The following DOP1B variants were observed in gnomAD, a reference collection of about 807,000 sequenced individuals.
DOP1B encodes DOP1 leucine zipper like protein B, also known as protein DOP1B.
Under a neutral mutation model 233.5 loss-of-function variants are expected in DOP1B, and 174 were observed. That is an observed-to-expected ratio of 0.75 (90% CI 0.66 to 0.85). The LOEUF (loss-of-function observed/expected upper bound fraction) is 0.85, where lower values mean the gene tolerates loss of function less well. Among genes scored for constraint, DOP1B ranks in the 40% least tolerant of loss-of-function variants. The pLI, the probability that DOP1B is intolerant of heterozygous loss-of-function variation, is 0.00. For synonymous variants in DOP1B, 1,190 were observed against 1,185.6 expected (o/e 1.00, Z -0.08); for missense variants, 2,652 against 2,846.6 (o/e 0.93, Z 1.56).
rs2066945627 is a variant in DOP1B, at chr21:36,245,362, T to C, written c.3382T>C (p.Phe1128Leu). 6.2e-7 allele frequency: 1 copy of C among 1,613,882 alleles called. No homozygotes were observed. The highest frequency in any genetic ancestry group is 1.1e-5 in the South Asian group (1 of 91,066). The change falls in exon 19 of 37, where the codon TTC becomes CTC. Residue 1128 changes from phenylalanine to leucine, a missense_variant. By Grantham distance (22) the Phe-to-Leu change is conservative (BLOSUM62 0). Around this residue, in one of 3 missense-constraint regions of DOP1B, gnomAD observed 2,617 missense variants for 2,794.3 expected, o/e 0.94. Coordinates refer to ENST00000691173, the MANE Select transcript of DOP1B (RefSeq NM_001320714.2). This position sits in a 1 kb window ranked among gnomAD's most constrained non-coding sequence, Gnocchi z 5.5. ...CACGGACAGCGAGAACACGTCCTCCTTCTCCTCCCCTTCCCACGACCTGCA... is the reference window on the plus strand; with the variant it reads ...CACGGACAGCGAGAACACGTCCTCCCTCTCCTCCCCTTCCCACGACCTGCA... ...CHTDSENTSS[F>L]SSPSHDLQEL...
intron 18 of DOP1B, among the ~76,000 whole-genome samples, chr21:36,240,799 A>G (rs1358210051): frequency 6.6e-6 from 1 of 152,240 alleles, no homozygotes; most frequent in Non-Finnish European, 1.5e-5. Context: ...GCTGTATTTA[A>G]TGACTTCACA....
chr21:36,279,804 G>C (rs532642965), intron 30 of DOP1B, among the ~76,000 whole-genome samples: 2 of 149,246 alleles, frequency 1.3e-5, no homozygotes, highest in Admixed American at 1.3e-4. Context: ...TAAATGAAAA[G>C]CTTTTTCGTA....
chr21:36,239,632 G>A (rs2066869084), intron 17 of DOP1B, 133 bp from the exon 18 acceptor site: 4 of 979,804 alleles, frequency 4.1e-6, no homozygotes, highest in Non-Finnish European at 5.8e-6. Context: ...CATCTACTTG[G>A]GTCTGGAAGT....
intron 2 of DOP1B, among the ~76,000 whole-genome samples, chr21:36,178,471 TC>T (rs2066056771): frequency 6.6e-6 from 1 of 151,336 alleles, no homozygotes; most frequent in African/African-American, 2.4e-5. Context: ...GAGACAGACT[TC>T]CTCCCACCTC....
rs560803925 is a variant in DOP1B at position 36,242,509 on chromosome 21, C to T, written c.3068-2539C>T. Among the ~76,000 whole-genome samples, 33 of 152,072 alleles carry T rather than the reference C, an allele frequency of 2.2e-4. No individual in the cohort carries two copies. In the South Asian group the frequency reaches 3.7e-3, roughly 17 times the overall value. On this transcript the variant is annotated intron_variant, in intron 18 of 36. Transcript: ENST00000691173. ...GTATTTTTAGTAGAGATGGGTGTTT[C>T]GCCATGTTGGCTAGACTGGTCTTGA...
intron 32 of DOP1B, 109 bp from the exon 33 acceptor site, chr21:36,287,905 C>A: frequency 7.2e-7 from 1 of 1,379,930 alleles, no homozygotes; most frequent in Non-Finnish European, 9.8e-7. Flanking sequence ...ATTCCTTACA[C>A]TGGGTTGTTA....
chr21:36,233,194 G>T, intron 15 of DOP1B, 119 bp downstream of exon 15: 2 of 1,296,494 alleles, frequency 1.5e-6, no homozygotes, highest in Admixed American at 2.5e-5. Flanking sequence ...ATTCTATAGG[G>T]CACTGGGCAG....
At chr21:36,221,535 C>G (rs908251626) in intron 10 of DOP1B, among the ~76,000 whole-genome samples, 2 of 152,028 alleles carry the variant, frequency 1.3e-5, no homozygotes, top group Admixed American at 6.6e-5. Flanking sequence ...TGACCAATTT[C>G]TTATTGATTG....
In DOP1B at chr21:36,286,997, T is replaced by C. The variant is rs370395054; in HGVS notation, c.6161-1017T>C. On this transcript the variant is annotated intron_variant, in intron 32 of 36. Transcript: ENST00000691173. ...AAAAAATTTATTACTAATATACTAATGTACTAATGTACTACAGCCGATCTT... is the reference window on the plus strand; with the variant it reads ...AAAAAATTTATTACTAATATACTAACGTACTAATGTACTACAGCCGATCTT... Among the ~76,000 whole-genome samples, 4 of 152,090 alleles carry C rather than the reference T, an allele frequency of 2.6e-5. No homozygotes were observed. In the East Asian group the frequency reaches 5.8e-4, roughly 22 times the overall value.
chr21:36,235,538 A>G (rs1325494471), intron 15 of DOP1B, among the ~76,000 whole-genome samples: 3 of 152,076 alleles, frequency 2.0e-5, no homozygotes, highest in East Asian at 3.9e-4. Context: ...AGTCTGGCCA[A>G]CACGGCAAAA....
intron 30 of DOP1B, 140 bp downstream of exon 30, chr21:36,278,495 C>T (rs759165129): frequency 9.2e-5 from 74 of 805,742 alleles, no homozygotes; most frequent in Non-Finnish European, 1.2e-4. Context: ...GTCACAGGCT[C>T]GCATGTTGAC....
intron 6 of DOP1B, 86 bp downstream of exon 6, chr21:36,211,737 C>G: frequency 8.4e-6 from 12 of 1,427,990 alleles, no homozygotes; most frequent in Non-Finnish European, 1.2e-5. Context: ...CGTACGAGGA[C>G]AGCTCAGCCA....
chr21:36,167,390 G>T (rs2065922617), intron 2 of DOP1B, among the ~76,000 whole-genome samples: 1 of 152,114 alleles, frequency 6.6e-6, no homozygotes, highest in African/African-American at 2.4e-5. Context: ...GGCCAGGCTG[G>T]TCTCGAACTC....
In DOP1B at chr21:36,168,889, T is replaced by TG; in HGVS notation, c.138+4019dup. The TG allele has an allele frequency of 8.8e-6, 4 of 452,990 alleles. No individual in the cohort carries two copies. The South Asian group carries it at 9.3e-5, about 11-fold the overall frequency. The allele number at this position is 452,990 out of a possible 1,614,324, so 28.1% of individuals were successfully genotyped here. ...CTAGTTGTGTGAAGTGGTCTCTCCC[T>TG]GTGGGTTTTTTTTTTTAATTAATAA... On this transcript the variant is annotated intron_variant, in intron 2 of 36. Transcript: ENST00000691173.
In DOP1B at chr21:36,208,870, A is replaced by T. The variant is rs779829524; in HGVS notation, c.647A>T (p.Gln216Leu). 6.4e-7 allele frequency: 1 copy of T among 1,561,272 alleles called. No individual in the cohort carries two copies. Among genetic ancestry groups the T allele is most frequent in the Non-Finnish European group, 8.7e-7 (1 of 1,154,042 alleles). Residue 216 changes from glutamine to leucine, a missense_variant, in exon 5 of 37, where the codon CAG becomes CTG. Physicochemically the swap from Gln to Leu is moderately radical, Grantham distance 113. Coordinates refer to ENST00000691173, the MANE Select transcript of DOP1B (RefSeq NM_001320714.2). ...AACAGGGATGCCCCCGGCCGGGAGC[A>T]GAAGTACATGCTGGGGACCAATCAC... The part of the protein sequence containing the change: ...HINRDAPGRE[Q>L]KYMLGTNHQL...
chr21:36,266,974 G>C (rs1411549656), intron 26 of DOP1B, among the ~76,000 whole-genome samples: 1 of 152,106 alleles, frequency 6.6e-6, no homozygotes, highest in African/African-American at 2.4e-5. Flanking sequence ...GCCTAAGTTA[G>C]CCAATTCGCC....
rs1181767221 is a variant in DOP1B, at chr21:36,245,280, C to T, written c.3300C>T (p.Ala1100=). 1.2e-6 allele frequency: 2 copies of T among 1,614,112 alleles called. No individual in the cohort carries two copies. Among genetic ancestry groups the T allele is most frequent in the East Asian group, 4.5e-5 (2 of 44,884 alleles). Residue 1100 remains alanine, a synonymous_variant, in exon 19 of 37, where the codon GCC becomes GCT. Coordinates refer to ENST00000691173, the MANE Select transcript of DOP1B (RefSeq NM_001320714.2). The surrounding 1 kb of genome is among the most constrained non-coding windows in gnomAD (Gnocchi z 5.5). ...PYYVELPDRT[A]HGAPDSSEHT... ...ACGTGGAGCTTCCAGACAGGACGGC[C>T]CACGGCGCCCCGGACAGCAGCGAGC...
rs111922357 is a variant in DOP1B at position 36,246,903 on chromosome 21, A to G, written c.4697+226A>G. Among the ~76,000 whole-genome samples, 983 of 141,182 alleles carry G rather than the reference A, an allele frequency of 7.0e-3. 10 individuals carry two copies. The highest frequency in any genetic ancestry group is 0.026 in the African/African-American group (923 of 35,612). The allele number at this position is 141,182 out of a possible 152,430, so 92.6% of individuals were successfully genotyped here. On this transcript the variant is annotated intron_variant, in intron 19 of 36. Coordinates refer to ENST00000691173, the MANE Select transcript of DOP1B (RefSeq NM_001320714.2). The surrounding 1 kb of genome is among the most constrained non-coding windows in gnomAD (Gnocchi z 5.1). ...GTTATGTTATGTTATGTTATTTTTGAGACAGAGTCTCTGTCACCCAGGCTG... is the reference window on the plus strand; with the variant it reads ...GTTATGTTATGTTATGTTATTTTTGGGACAGAGTCTCTGTCACCCAGGCTG...
At position 36,200,384 on chromosome 21, in the gene DOP1B, T is replaced by A. The variant is rs1459048223; in HGVS notation, c.374T>A (p.Leu125Gln). The change falls in exon 4 of 37, where the codon CTG becomes CAG. Residue 125 changes from leucine (L) to glutamine (Q), a missense_variant. Physicochemically the swap from Leu to Gln is moderately radical, Grantham distance 113. Coordinates refer to ENST00000691173, the MANE Select transcript of DOP1B (RefSeq NM_001320714.2). ...GCGGCGGTGTCGGTGAGGCCGGTGCTGCTCACCCTGTACGAGAAGTACTTC... is the reference window on the plus strand; with the variant it reads ...GCGGCGGTGTCGGTGAGGCCGGTGCAGCTCACCCTGTACGAGAAGTACTTC... The part of the protein sequence containing the change: ...AHAAVSVRPV[L>Q]LTLYEKYFLP... 1.2e-6 allele frequency: 2 copies of A among 1,613,542 alleles called. No homozygotes were observed. The highest frequency in any genetic ancestry group is 1.7e-6 in the Non-Finnish European group (2 of 1,179,934).
Sources: gnomAD v4.1 joint callset for allele counts (sites outside exome capture counted in the v4.1 genomes callset) on GRCh38, gnomAD v4.1.1 for gene constraint, gnomAD v4.1.1 regional missense constraint, Gnocchi (gnomAD v3.1) non-coding constraint, MANE v1.5 for transcripts, NCBI Gene and HGNC (gene_info 2026-07-23, HGNC 2026-07-21) for gene names.